Variants in GORAB observed in about 807,000 individuals in gnomAD.
GORAB encodes the protein golgin, RAB6 interacting.
A neutral mutation model predicts 29.9 loss-of-function variants in GORAB; 17 were observed. That is an observed-to-expected ratio of 0.57 (90% CI 0.39 to 0.85). The LOEUF is 0.85. Among genes scored for constraint, GORAB ranks in the 40% least tolerant of loss-of-function variants. The probability of loss-of-function intolerance (pLI) is 0.00; values close to 1 mark genes in which losing one functional copy is unlikely to be tolerated. For synonymous variants in GORAB, 183 were observed against 157.2 expected, an observed-to-expected ratio of 1.16 and a Z score of -1.23; for missense variants, 442 against 437.8, an observed-to-expected ratio of 1.01 and a Z score of -0.09.
In GORAB at chr1:170,552,063, T is replaced by C. The variant is rs1308613837; in HGVS notation, c.711T>C (p.Asp237=). 2 of 1,614,048 alleles carry C rather than the reference T, an allele frequency of 1.2e-6. No homozygotes were observed. Among genetic ancestry groups the C allele is most frequent in the Admixed American group, 1.7e-5 (1 of 60,010 alleles). ...AEAEYIAAKL[D]IQRKTEIKEQ... is the part of the protein sequence containing the mutation. ...CAGAGTACATTGCAGCAAAGCTAGATATACAGCGCAAGACTGAGATAAAAG... is the reference window on the plus strand; with the variant it reads ...CAGAGTACATTGCAGCAAAGCTAGACATACAGCGCAAGACTGAGATAAAAG... Residue 237 remains aspartate, a synonymous_variant, in exon 5 of 5, where the codon GAT becomes GAC. Coordinates refer to ENST00000367763, the MANE Select transcript of GORAB (RefSeq NM_152281.3).
chr1:170,534,904 G>A (rs1291160887), intron 1 of GORAB, among the ~76,000 whole-genome samples: 1 of 152,152 alleles, frequency 6.6e-6, no homozygotes, highest in Non-Finnish European at 1.5e-5. Flanking sequence ...AATTTCAGAG[G>A]TATTGGTATT....
chr1:170,547,448 GCTACTGCTA>G (rs949342305), intron 4 of GORAB, among the ~76,000 whole-genome samples: 3 of 49,056 alleles, frequency 6.1e-5, no homozygotes, highest in Non-Finnish European at 5.4e-5. Context: ...TGCTACTGCT[GCTACTGCTA>G]CTACTGCTAC....
chr1:170,538,385 A>G (rs765162869), intron 1 of GORAB, among the ~76,000 whole-genome samples: 16 of 152,210 alleles, frequency 1.1e-4, no homozygotes, highest in Non-Finnish European at 2.1e-4. Flanking sequence ...TTAAGAGAGA[A>G]TGCTATTTAT....
chr1:170,553,781 C>CAGTT lies in GORAB; in HGVS notation c.*1320_*1323dup. 2.2e-6 allele frequency: 1 copy of CAGTT among 453,534 alleles called. No homozygotes were observed. The highest frequency in any genetic ancestry group is 4.4e-6 in the Non-Finnish European group (1 of 226,658). The allele number at this position is 453,534 out of a possible 1,614,324, so 28.1% of individuals were successfully genotyped here. A position where few individuals can be genotyped will look rare whatever the true frequency, so the allele number is the denominator to read the frequency against. On this transcript the variant is annotated 3_prime_UTR_variant, in exon 5 of 5. Transcript: ENST00000367763. ...TATTTATGAAATACATAAAAGCCAA[C>CAGTT]AGTTTCATTGTCTAACACACTTCTT...
Position 170,542,689 on chromosome 1 carries a change from T to C in GORAB, c.521+97T>C, listed in dbSNP as rs565137532. The C allele has an allele frequency of 3.5e-6, 3 of 847,448 alleles. No individual in the cohort carries two copies. In the Admixed American group the frequency reaches 5.2e-5, roughly 15 times the overall value. 52.5% of individuals were successfully genotyped at this position (847,448 alleles called of 1,614,324 possible). On this transcript the variant is annotated intron_variant, in intron 3 of 4. Transcript: ENST00000367763. ...CCATGTCTCTTTTAATAAACTGATA[T>C]TTTTTCTTCAACCATTACTTTTAAG...
chr1:170,539,633 TA>T lies in GORAB; in HGVS notation c.419+68del, dbSNP rs1416717141. The T allele has an allele frequency of 1.3e-5, 19 of 1,490,164 alleles. No individual in the cohort carries two copies. In the Admixed American group the frequency reaches 2.1e-4, roughly 16 times the overall value. 92.3% of individuals were successfully genotyped at this position (1,490,164 alleles called of 1,614,324 possible). On this transcript the variant is annotated intron_variant, in intron 2 of 4. Transcript: ENST00000367763. The stretch of plus-strand genomic sequence containing the variant: ...TAACCCGTTTTTTCCCAATGGGCTT[TA>T]AGGAAATATAATTTGTTTATTTTAA...
rs1650146397 is a variant in GORAB, at chr1:170,552,039, A to G, written c.687A>G (p.Ala229=). ...GGAAGCGGTTTGACAGGGCTGAAGC[A>G]GAGTACATTGCAGCAAAGCTAGATA... The part of the protein sequence containing the change: ...YARKRFDRAE[A]EYIAAKLDIQ... The change falls in exon 5 of 5, where the codon GCA becomes GCG. Residue 229 remains alanine, a synonymous_variant. Coordinates refer to ENST00000367763, the MANE Select transcript of GORAB (RefSeq NM_152281.3). The G allele has an allele frequency of 6.2e-7, 1 of 1,614,032 alleles. No homozygotes were observed. The highest frequency in any genetic ancestry group is 2.2e-5 in the East Asian group (1 of 44,880).
At chr1:170,539,181 G>A in intron 1 of GORAB, 29 bp from the exon 2 acceptor site, 1 of 1,613,416 alleles carries the variant, frequency 6.2e-7, no homozygotes, top group Non-Finnish European at 8.5e-7. Flanking sequence ...CCCACACAAA[G>A]GAATTTTCCT....
intron 2 of GORAB, 58 bp downstream of exon 2, chr1:170,539,625 A>T: frequency 4.5e-6 from 7 of 1,550,100 alleles, no homozygotes; most frequent in South Asian, 2.3e-5. Flanking sequence ...TTTTTTCCCA[A>T]TGGGCTTTAA....
rs1648754758 is a variant in GORAB at position 170,532,484 on chromosome 1, G to A, written c.61+200G>A. Reference sequence around the variant, plus strand: ...ACGGGAGGGGCAAGCCAGAGGACTGGGATCTTCTTTTAGAAAAAACGGTCC... The same window carrying A: ...ACGGGAGGGGCAAGCCAGAGGACTGAGATCTTCTTTTAGAAAAAACGGTCC... On this transcript the variant is annotated intron_variant, in intron 1 of 4. Coordinates refer to ENST00000367763, the MANE Select transcript of GORAB (RefSeq NM_152281.3). 9 of 596,476 alleles carry A rather than the reference G, an allele frequency of 1.5e-5. 1 individual carries two copies. The South Asian group carries it at 1.5e-4, about 10-fold the overall frequency. 36.9% of individuals were successfully genotyped at this position (596,476 alleles called of 1,614,324 possible). A position where few individuals can be genotyped will look rare whatever the true frequency, so the allele number is the denominator to read the frequency against.
Position 170,552,605 on chromosome 1 carries a change from T to A in GORAB, c.*143T>A. ...ATTAGTTTTAGTAAATTAATAGGTT[T>A]GGCCATTCTAAAATCCAAAATTATG... On this transcript the variant is annotated 3_prime_UTR_variant, in exon 5 of 5. Coordinates refer to ENST00000367763, the MANE Select transcript of GORAB (RefSeq NM_152281.3). The A allele has an allele frequency of 1.3e-6, 1 of 784,606 alleles. No individual in the cohort carries two copies. The allele number at this position is 784,606 out of a possible 1,614,324, so 48.6% of individuals were successfully genotyped here.
At chr1:170,539,695 A>C in intron 2 of GORAB, 128 bp downstream of exon 2, 3 of 989,598 alleles carry the variant, frequency 3.0e-6, no homozygotes, top group Non-Finnish European at 4.4e-6. Flanking sequence ...AATCATAGGA[A>C]TGTGATGTAT....
chr1:170,546,172 C>T (rs991810728), intron 4 of GORAB, among the ~76,000 whole-genome samples: 3 of 152,034 alleles, frequency 2.0e-5, no homozygotes, highest in Admixed American at 1.3e-4. Flanking sequence ...AGGTGGATCA[C>T]GAGGTCAGGA....
At chr1:170,543,748 C>G (rs1649586020) in intron 3 of GORAB, among the ~76,000 whole-genome samples, 1 of 151,600 alleles carries the variant, frequency 6.6e-6, no homozygotes, top group Non-Finnish European at 1.5e-5. Flanking sequence ...TGTACAGGCT[C>G]AGCAGTTCTT....
intron 4 of GORAB, chr1:170,545,740 G>T: frequency 1.0e-6 from 1 of 985,172 alleles, no homozygotes; most frequent in Non-Finnish European, 1.2e-6. Context: ...ATTTATTAAA[G>T]CGGAAATGCT....
intron 1 of GORAB, among the ~76,000 whole-genome samples, chr1:170,536,636 T>A (rs762599799): frequency 7.9e-5 from 12 of 152,194 alleles, no homozygotes; most frequent in Non-Finnish European, 1.6e-4. Flanking sequence ...AGAGACACAT[T>A]ATTGAAATTT....
At chr1:170,545,380 T>C (rs1345504590) in intron 4 of GORAB, 24 of 955,736 alleles carry the variant, frequency 2.5e-5, no homozygotes, top group African/African-American at 5.3e-5. Context: ...TTTTCTCTTT[T>C]TTTTTCCTTT....
In GORAB at chr1:170,553,144, TCTTTC is replaced by T. The variant is rs1456779857; in HGVS notation, c.*687_*691del. The stretch of plus-strand genomic sequence containing the variant: ...CACATGTAATTTTACTATTTTATTG[TCTTTC>T]CTTTAATCGATGAATTGATTAAATT... On this transcript the variant is annotated 3_prime_UTR_variant, in exon 5 of 5. Transcript: ENST00000367763. 4.4e-5 allele frequency: 19 copies of T among 436,386 alleles called. No homozygotes were observed. Among genetic ancestry groups the T allele is most frequent in the Middle Eastern group, 7.5e-4 (1 of 1,342 alleles). 27.0% of individuals were successfully genotyped at this position (436,386 alleles called of 1,614,324 possible).
At chr1:170,532,550 G>C (rs1648760703) in intron 1 of GORAB, 1 of 452,744 alleles carries the variant, frequency 2.2e-6, no homozygotes. Flanking sequence ...GAAAGGAATG[G>C]GACTTGGGAG....
Sources: gnomAD v4.1 joint callset for allele counts (sites outside exome capture counted in the v4.1 genomes callset) on GRCh38, gnomAD v4.1.1 for gene constraint, MANE v1.5 for transcripts, NCBI Gene and HGNC (gene_info 2026-07-23, HGNC 2026-07-21) for gene names.